Variants in ATG16L1 observed in about 807,000 individuals in gnomAD.
ATG16L1 encodes autophagy-related protein 16-1.
A neutral mutation model predicts 88.5 loss-of-function variants in ATG16L1; 37 were observed. The ratio of observed to expected loss-of-function variants is 0.42; its 90% confidence interval spans 0.32 to 0.55. ATG16L1 has a LOEUF of 0.55. Ranked by LOEUF, ATG16L1 falls within the 20% of genes least tolerant of loss-of-function variation. ATG16L1 has a pLI of 0.13. For missense variants in ATG16L1, 554 were observed against 752.8 expected, an observed-to-expected ratio of 0.74 and a Z score of 3.09; for synonymous variants, 301 against 281.0, an observed-to-expected ratio of 1.07 and a Z score of -0.71.
intron 1 of ATG16L1, among the ~76,000 whole-genome samples, chr2:233,253,074 AGT>A (rs890032836): frequency 6.6e-6 from 1 of 152,088 alleles, no homozygotes; most frequent in African/African-American, 2.4e-5. Context: ...CACAAGTATC[AGT>A]GTGTGTGTGT....
intron 9 of ATG16L1, 69 bp downstream of exon 9, chr2:233,274,847 C>G: frequency 9.0e-7 from 1 of 1,110,602 alleles, no homozygotes; most frequent in South Asian, 1.3e-5. Flanking sequence ...TTAAAGGGTC[C>G]TTTCTAGGCC....
In ATG16L1 at chr2:233,292,283, T is replaced by C; in HGVS notation, c.1580+6T>C. On this transcript the variant is annotated splice_donor_region_variant and intron_variant, in intron 15 of 17. Transcript: ENST00000392017. ...GCTATCAAGCAGACATTCAGGTAAC[T>C]GAAGATGTGCTGGTTGCATGAAGAC... 1 of 1,614,222 alleles carries C rather than the reference T, an allele frequency of 6.2e-7. No homozygotes were observed. Among genetic ancestry groups the C allele is most frequent in the Non-Finnish European group, 8.5e-7 (1 of 1,180,028 alleles).
intron 1 of ATG16L1, among the ~76,000 whole-genome samples, chr2:233,253,502 C>T (rs1309443468): frequency 6.6e-6 from 1 of 151,900 alleles, no homozygotes; most frequent in Admixed American, 6.6e-5. Flanking sequence ...AGCACCGCCA[C>T]GCCCAGCTAA....
chr2:233,270,264 A>G (rs1282236086), intron 6 of ATG16L1, among the ~76,000 whole-genome samples, 197 bp downstream of exon 6: 1 of 152,194 alleles, frequency 6.6e-6, no homozygotes, highest in East Asian at 1.9e-4. Context: ...TTAGAAAGAA[A>G]AATGTTAAAG....
rs1181042497 is a variant in ATG16L1 at position 233,295,099 on chromosome 2, G to T, written c.*749G>T. On this transcript the variant is annotated 3_prime_UTR_variant, in exon 18 of 18. Coordinates refer to ENST00000392017, the MANE Select transcript of ATG16L1 (RefSeq NM_030803.7). ...TCCTGTATCGATCTGCAGACACCCA[G>T]AAGGTGGGTGCACACTGCATGCTTG... The T allele has an allele frequency of 6.6e-6, 1 of 152,592 alleles. No individual in the cohort carries two copies. Among genetic ancestry groups the T allele is most frequent in the Non-Finnish European group, 1.5e-5 (1 of 68,040 alleles). The allele number at this position is 152,592 out of a possible 1,614,324, so 9.5% of individuals were successfully genotyped here.
intron 6 of ATG16L1, among the ~76,000 whole-genome samples, chr2:233,272,606 A>G (rs1370315136): frequency 2.0e-5 from 3 of 152,164 alleles, no homozygotes; most frequent in Non-Finnish European, 4.4e-5. Flanking sequence ...CAGCCCTTCA[A>G]CAGTGATGCT....
chr2:233,276,963 C>A (rs1698417539), intron 9 of ATG16L1, among the ~76,000 whole-genome samples: 1 of 152,182 alleles, frequency 6.6e-6, no homozygotes, highest in African/African-American at 2.4e-5. Context: ...CTTTCTGGAG[C>A]TGAGCAAACT....
chr2:233,252,919 A>G (rs2125187528), intron 1 of ATG16L1, among the ~76,000 whole-genome samples: 1 of 152,336 alleles, frequency 6.6e-6, no homozygotes, highest in East Asian at 1.9e-4. Flanking sequence ...ATTCAGAATA[A>G]TAATTGCTAC....
chr2:233,282,209 G>A (rs1157492658), intron 11 of ATG16L1, among the ~76,000 whole-genome samples: 1 of 152,196 alleles, frequency 6.6e-6, no homozygotes, highest in African/African-American at 2.4e-5. Context: ...GCAGTGGCCC[G>A]TGCGTTCAGT....
At chr2:233,291,753 A>G (rs1255038355) in intron 14 of ATG16L1, among the ~76,000 whole-genome samples, 6 of 152,266 alleles carry the variant, frequency 3.9e-5, no homozygotes, top group Non-Finnish European at 8.8e-5. Flanking sequence ...AAGGCAGCCC[A>G]GGCCCACTAA....
intron 10 of ATG16L1, 142 bp from the exon 11 acceptor site, chr2:233,280,963 A>T: frequency 1.8e-6 from 1 of 547,620 alleles, no homozygotes; most frequent in Non-Finnish European, 3.2e-6. Flanking sequence ...TTGTCCTGCT[A>T]TTTTGTTTGA....
chr2:233,273,282 T>A (rs1698114979), intron 7 of ATG16L1: 1 of 540,808 alleles, frequency 1.8e-6, no homozygotes. Context: ...TACAAAAAAA[T>A]GTAGTGGCTT....
chr2:233,290,222 A>G, intron 13 of ATG16L1, 26 bp from the exon 14 acceptor site: 1 of 1,610,638 alleles, frequency 6.2e-7, no homozygotes, highest in Non-Finnish European at 8.5e-7. Context: ...CCTCTGCTTG[A>G]TTAATGATGT....
rs1029142505 is a variant in ATG16L1, at chr2:233,294,272, G to T, written c.1746G>T (p.Ala582=). 6.2e-7 allele frequency: 1 copy of T among 1,607,766 alleles called. No individual in the cohort carries two copies. Among genetic ancestry groups the T allele is most frequent in the South Asian group, 1.1e-5 (1 of 90,086 alleles). ...TCCTTTGAAGCTCATCCATCAATGCGGTGGCGTGGTCGCCCTCTGGCTCGC... is the reference window on the plus strand; with the variant it reads ...TCCTTTGAAGCTCATCCATCAATGCTGTGGCGTGGTCGCCCTCTGGCTCGC... ...LSKQHSSSIN[A]VAWSPSGSHV... Residue 582 remains alanine, a synonymous_variant, in exon 18 of 18, where the codon GCG becomes GCT. Transcript: ENST00000392017.
chr2:233,292,722 G>A (rs1369862350), intron 16 of ATG16L1, among the ~76,000 whole-genome samples: 1 of 152,248 alleles, frequency 6.6e-6, no homozygotes. Context: ...TCACGCAAGA[G>A]CTGTTGGAGA....
At chr2:233,289,383 G>A (rs1166206810) in intron 12 of ATG16L1, among the ~76,000 whole-genome samples, 1 of 143,776 alleles carries the variant, frequency 7.0e-6, no homozygotes, top group Non-Finnish European at 1.5e-5. Context: ...TGGGATGTGT[G>A]TGTGTGTGTG....
At chr2:233,253,966 CT>C (rs897673055) in intron 1 of ATG16L1, among the ~76,000 whole-genome samples, 2 of 152,182 alleles carry the variant, frequency 1.3e-5, no homozygotes, top group South Asian at 2.1e-4. Context: ...TGACTCACCC[CT>C]CACTGAACAT....
At position 233,256,151 on chromosome 2, in the gene ATG16L1, A is replaced by G. The variant is rs749916696; in HGVS notation, c.165A>G (p.Lys55=). 6.2e-7 allele frequency: 1 copy of G among 1,614,066 alleles called. No homozygotes were observed. Among genetic ancestry groups the G allele is most frequent in the Non-Finnish European group, 8.5e-7 (1 of 1,180,034 alleles). The part of the protein sequence containing the change: ...KSDLHSVLAQ[K]LQAEKHDVPN... ...ATCTTCATTCAGTGTTGGCCCAGAA[A>G]CTACAGGCTGAAAAGCATGACGTAC... Residue 55 remains lysine (K), a synonymous_variant, in exon 2 of 18, where the codon AAA becomes AAG. Coordinates refer to ENST00000392017, the MANE Select transcript of ATG16L1 (RefSeq NM_030803.7).
intron 12 of ATG16L1, among the ~76,000 whole-genome samples, chr2:233,285,741 A>G (rs1417454733): frequency 6.6e-6 from 1 of 151,914 alleles, no homozygotes; most frequent in Non-Finnish European, 1.5e-5. Flanking sequence ...TTTTTTTTAG[A>G]CCCCAGTTAA....
Sources: gnomAD v4.1 joint callset for allele counts (sites outside exome capture counted in the v4.1 genomes callset) on GRCh38, gnomAD v4.1.1 for gene constraint, MANE v1.5 for transcripts, NCBI Gene and HGNC (gene_info 2026-07-23, HGNC 2026-07-21) for gene names.